Variants in PEPD observed in about 807,000 individuals in gnomAD.
The protein encoded by PEPD is peptidase D, also known as xaa-Pro dipeptidase.
Under a neutral mutation model 60.7 loss-of-function variants are expected in PEPD, and 53 were observed. The observed-to-expected ratio is 0.87, with a 90% confidence interval of 0.70 to 1.10. PEPD has a LOEUF of 1.10. Ranked by LOEUF, PEPD falls within the 50% of genes least tolerant of loss-of-function variation. The pLI is 0.00. For synonymous variants in PEPD, 267 were observed against 284.1 expected (o/e 0.94, Z 0.60); for missense variants, 711 against 711.9 (o/e 1.00, Z 0.01).
At chr19:33,406,034 G>A (rs762901666) in intron 11 of PEPD, among the ~76,000 whole-genome samples, 6 of 152,348 alleles carry the variant, frequency 3.9e-5, no homozygotes, top group South Asian at 2.1e-4. Context: ...GAGGGGCCCC[G>A]GGTCCCAGAA....
chr19:33,398,463 A>G (rs889139), intron 12 of PEPD, among the ~76,000 whole-genome samples: 100,252 of 152,116 alleles, frequency 0.66, 33,674 homozygotes, highest in African/African-American at 0.76. Context: ...CCTGTACGTG[A>G]AGGGTGTCTG....
At chr19:33,441,237 C>T (rs1486884030) in intron 9 of PEPD, among the ~76,000 whole-genome samples, 1 of 152,244 alleles carries the variant, frequency 6.6e-6, no homozygotes, top group African/African-American at 2.4e-5. Context: ...CCTTCAGAAA[C>T]ACGCCCTGGC....
chr19:33,425,212 A>G lies in PEPD; in HGVS notation c.672-11569T>C, dbSNP rs541978684. Among the ~76,000 whole-genome samples the G allele has an allele frequency of 5.9e-5, 9 of 152,288 alleles. No individual in the cohort carries two copies. The South Asian group carries it at 1.9e-3, about 32-fold the overall frequency. On this transcript the variant is annotated intron_variant, in intron 9 of 14. Coordinates refer to ENST00000244137, the MANE Select transcript of PEPD (RefSeq NM_000285.4). ...TAGTGAAACCCTGTCTCTACTCAAA[A>G]TATAAAAATTAGCCAGTCGTGGTGG...
chr19:33,416,485 C>T (rs1051735814), intron 9 of PEPD, among the ~76,000 whole-genome samples: 11 of 152,212 alleles, frequency 7.2e-5, no homozygotes, highest in African/African-American at 2.7e-4. Context: ...TTATGACTCA[C>T]ATCGTGCAGC....
chr19:33,460,093 A>T (rs1969898875), intron 9 of PEPD, among the ~76,000 whole-genome samples: 1 of 152,202 alleles, frequency 6.6e-6, no homozygotes, highest in Non-Finnish European at 1.5e-5. Flanking sequence ...GGGTAACCAA[A>T]AACACGGGCT....
rs767306239 is a variant in PEPD, at chr19:33,521,746, G to A, written c.15C>T (p.Thr5=). 7.6e-6 allele frequency: 12 copies of A among 1,577,456 alleles called. No individual in the cohort carries two copies. The African/African-American group carries it at 8.1e-5, about 11-fold the overall frequency. ...AGCGAGGGAGGCGCAGCACTCACCCGGTGGCCGCCGCCATGTTCGCCCGGC... is the reference window on the plus strand; with the variant it reads ...AGCGAGGGAGGCGCAGCACTCACCCAGTGGCCGCCGCCATGTTCGCCCGGC... MAAA[T]GPSFWLGNET... The change falls in exon 1 of 15, where the codon ACC becomes ACT. Residue 5 remains threonine (T), a splice_region_variant and synonymous_variant. Coordinates refer to ENST00000244137, the MANE Select transcript of PEPD (RefSeq NM_000285.4).
intron 9 of PEPD, among the ~76,000 whole-genome samples, chr19:33,433,700 A>T (rs1241107921): frequency 6.6e-6 from 1 of 152,220 alleles, no homozygotes; most frequent in Non-Finnish European, 1.5e-5. Flanking sequence ...CTTAAATTGC[A>T]TTTAACTTTT....
At chr19:33,413,452 G>A (rs1017285243) in intron 10 of PEPD, 123 bp downstream of exon 10, 15 of 674,290 alleles carry the variant, frequency 2.2e-5, no homozygotes, top group Middle Eastern at 3.9e-4. Context: ...TGGGCCGGGC[G>A]CTGGTGTGGG....
intron 9 of PEPD, among the ~76,000 whole-genome samples, chr19:33,421,821 T>C (rs1047462393): frequency 6.6e-6 from 1 of 152,142 alleles, no homozygotes; most frequent in Admixed American, 6.5e-5. Context: ...GCTGTCACTA[T>C]GTCCAGAATC....
At chr19:33,462,064 C>A (rs541609106) in intron 9 of PEPD, among the ~76,000 whole-genome samples, 1 of 152,246 alleles carries the variant, frequency 6.6e-6, no homozygotes, top group Non-Finnish European at 1.5e-5. Context: ...CGGGCCCCAT[C>A]CGACCTCGGC....
intron 4 of PEPD, among the ~76,000 whole-genome samples, chr19:33,498,057 T>C (rs1370823091): frequency 2.6e-5 from 4 of 151,886 alleles, no homozygotes; most frequent in Non-Finnish European, 5.9e-5. Flanking sequence ...CCTGCCCCGC[T>C]GTGTCCCTCC....
At chr19:33,427,782 T>C (rs1306592480) in intron 9 of PEPD, among the ~76,000 whole-genome samples, 5 of 152,194 alleles carry the variant, frequency 3.3e-5, no homozygotes, top group African/African-American at 7.2e-5. Context: ...ATTAGAAGAA[T>C]TTGTGCTTTT....
chr19:33,516,206 G>A (rs2145361492), intron 1 of PEPD, among the ~76,000 whole-genome samples: 1 of 152,244 alleles, frequency 6.6e-6, no homozygotes. Context: ...CCCCCAGAGA[G>A]ACTGTCAGGC....
chr19:33,436,210 AAGAGGGAGAGGG>A (rs142396451), intron 9 of PEPD, among the ~76,000 whole-genome samples: 2 of 151,112 alleles, frequency 1.3e-5, no homozygotes, highest in South Asian at 2.1e-4. Context: ...GAGGAAAGAG[AAGAGGGAGAGGG>A]AGAGGGAGAG....
intron 9 of PEPD, among the ~76,000 whole-genome samples, chr19:33,418,427 C>T (rs1418082327): frequency 1.3e-5 from 2 of 152,204 alleles, no homozygotes; most frequent in East Asian, 1.9e-4. Flanking sequence ...GGAGCCAAAA[C>T]CGGATGTTTC....
At chr19:33,450,595 G>A (rs1969679575) in intron 9 of PEPD, among the ~76,000 whole-genome samples, 1 of 152,162 alleles carries the variant, frequency 6.6e-6, no homozygotes, top group Non-Finnish European at 1.5e-5. Context: ...GCACTCACAC[G>A]AGCAAAGGGA....
intron 9 of PEPD, among the ~76,000 whole-genome samples, chr19:33,436,023 T>C (rs1426136385): frequency 6.6e-6 from 1 of 152,180 alleles, no homozygotes. Context: ...CAGGGCTCCC[T>C]CTGACATCTC....
At chr19:33,439,081 G>A (rs79866976) in intron 9 of PEPD, among the ~76,000 whole-genome samples, 1,675 of 152,356 alleles carry the variant, frequency 0.011, 25 homozygotes, top group South Asian at 0.071. Flanking sequence ...TGGCAGTGCA[G>A]AAGTGGCTGC....
intron 9 of PEPD, among the ~76,000 whole-genome samples, chr19:33,459,406 C>T (rs995845378): frequency 1.7e-4 from 26 of 152,126 alleles, no homozygotes; most frequent in African/African-American, 6.3e-4. Flanking sequence ...TCTAAATTAG[C>T]GTTTGCAGGT....
Sources: gnomAD v4.1 joint callset for allele counts (sites outside exome capture counted in the v4.1 genomes callset) on GRCh38, gnomAD v4.1.1 for gene constraint, MANE v1.5 for transcripts, NCBI Gene and HGNC (gene_info 2026-07-23, HGNC 2026-07-21) for gene names.